The following C14orf39 variants were observed in gnomAD, a reference collection of about 807,000 sequenced individuals.
C14orf39 encodes chromosome 14 open reading frame 39.
C14orf39 carries 66 observed loss-of-function variants against 85.6 expected under a neutral mutation model. The ratio of observed to expected loss-of-function variants is 0.77; its 90% CI spans 0.63 to 0.95. The LOEUF (loss-of-function observed/expected upper bound fraction) is 0.95, where lower values mean the gene tolerates loss of function less well. C14orf39 is among the 40% of genes least tolerant of loss of function. The pLI, the probability that C14orf39 is intolerant of heterozygous loss-of-function variation, is 0.00. For synonymous variants in C14orf39, 242 were observed against 214.0 expected, an observed-to-expected ratio of 1.13 and a Z score of -1.14; for missense variants, 735 against 663.9, an observed-to-expected ratio of 1.11 and a Z score of -1.18.
intron 5 of C14orf39, among the ~76,000 whole-genome samples, chr14:60,477,372 T>C (rs1027846216): frequency 6.6e-6 from 1 of 152,172 alleles, no homozygotes; most frequent in East Asian, 1.9e-4. Flanking sequence ...TTAGTTACAA[T>C]ATAAAAATAG....
chr14:60,476,866 G>GT (rs200993299), intron 5 of C14orf39, among the ~76,000 whole-genome samples: 1 of 144,714 alleles, frequency 6.9e-6, no homozygotes, highest in African/African-American at 2.4e-5. Flanking sequence ...CAATTGACCT[G>GT]TTTTTTTAAA....
At chr14:60,470,904 AC>A (rs1321879329) in intron 7 of C14orf39, among the ~76,000 whole-genome samples, 1 of 151,912 alleles carries the variant, frequency 6.6e-6, no homozygotes, top group Admixed American at 6.6e-5. Flanking sequence ...TGAGACTTAG[AC>A]CAATTAAGAA....
At chr14:60,485,007 C>G (rs1338510319) in intron 2 of C14orf39, 23 bp downstream of exon 2, 1 of 1,591,396 alleles carries the variant, frequency 6.3e-7, no homozygotes, top group Non-Finnish European at 8.5e-7. Context: ...AAAAAGCTAC[C>G]TATTTTTTCA....
chr14:60,442,954 G>A (rs1056776620), intron 16 of C14orf39, among the ~76,000 whole-genome samples: 6 of 152,100 alleles, frequency 3.9e-5, no homozygotes, highest in Admixed American at 6.5e-5. Flanking sequence ...GTCTAGAGAC[G>A]TTAATTAACT....
At chr14:60,492,696 T>C (rs964318551) in intron 2 of C14orf39, among the ~76,000 whole-genome samples, 2 of 152,128 alleles carry the variant, frequency 1.3e-5, no homozygotes, top group Non-Finnish European at 2.9e-5. Flanking sequence ...CGCAGGAGGA[T>C]GGCTTGAACC....
At chr14:60,498,957 T>C (rs1595495236) in intron 2 of C14orf39, among the ~76,000 whole-genome samples, 1 of 152,142 alleles carries the variant, frequency 6.6e-6, no homozygotes, top group African/African-American at 2.4e-5. Context: ...CAAAGAATTT[T>C]CTTAAAAATA....
chr14:60,436,452 T>A lies in C14orf39; in HGVS notation c.*393A>T. 1 of 159,792 alleles carries A rather than the reference T, an allele frequency of 6.3e-6. No individual in the cohort carries two copies. The highest frequency in any genetic ancestry group is 1.4e-5 in the Non-Finnish European group (1 of 73,774). The allele number at this position is 159,792 out of a possible 1,614,324, so 9.9% of individuals were successfully genotyped here. The stretch of plus-strand genomic sequence containing the variant: ...GAAATTTTTAGTAGCTAAAGTACGC[T>A]TCAGCACTAACTCTGGAGTTACTAC... On this transcript the variant is annotated 3_prime_UTR_variant, in exon 18 of 18. Coordinates refer to ENST00000321731, the MANE Select transcript of C14orf39 (RefSeq NM_174978.3).
upstream of C14orf39, among the ~76,000 whole-genome samples, chr14:60,488,524 A>C (rs974041059): frequency 6.6e-6 from 1 of 152,194 alleles, no homozygotes; most frequent in Admixed American, 6.5e-5. Flanking sequence ...AAGTACTCCC[A>C]CAAGATAAAA....
chr14:60,466,889 G>GT lies in C14orf39; in HGVS notation c.895+27dup, dbSNP rs531383439. The GT allele has an allele frequency of 5.1e-4, 733 of 1,446,178 alleles. 2 individuals are homozygous for GT. The highest frequency in any genetic ancestry group is 1.6e-3 in the Admixed American group (58 of 35,638). 89.6% of individuals were successfully genotyped at this position (1,446,178 alleles called of 1,614,324 possible). A position where few individuals can be genotyped will look rare whatever the true frequency, so the allele number is the denominator to read the frequency against. On this transcript the variant is annotated intron_variant, in intron 10 of 17. Coordinates refer to ENST00000321731, the MANE Select transcript of C14orf39 (RefSeq NM_174978.3). ...TCTGTGTGTTTGCAAAAAAAATGAT[G>GT]TTTTTGAATAACAAACAGATATTAT...
chr14:60,483,650 A>G, intron 4 of C14orf39, 41 bp downstream of exon 4: 1 of 1,541,614 alleles, frequency 6.5e-7, no homozygotes, highest in Middle Eastern at 1.8e-4. Context: ...AAAACCCTAA[A>G]TAAAAGAATG....
chr14:60,508,240 T>G (rs713336), intron 1 of C14orf39, among the ~76,000 whole-genome samples: 125,161 of 152,218 alleles, frequency 0.82, 53,088 homozygotes, highest in Non-Finnish European at 0.92. Flanking sequence ...AAAATAAGCC[T>G]ACAAGGAAAG....
chr14:60,484,441 A>G lies in C14orf39; in HGVS notation c.106+440T>C, dbSNP rs1892789413. Reference sequence around the variant, plus strand: ...TTTGTTGGATCTTAAAATACTATACAGTATTTGTGTGATTTGCCTTGCTAT... The same window carrying G: ...TTTGTTGGATCTTAAAATACTATACGGTATTTGTGTGATTTGCCTTGCTAT... On this transcript the variant is annotated intron_variant, in intron 3 of 17. Coordinates refer to ENST00000321731, the MANE Select transcript of C14orf39 (RefSeq NM_174978.3). This position sits in a 1 kb window ranked among gnomAD's most constrained non-coding sequence, Gnocchi z 4.2. Among the ~76,000 whole-genome samples the G allele has an allele frequency of 6.6e-6, 1 of 152,174 alleles. No homozygotes were observed. The highest frequency in any genetic ancestry group is 6.5e-5 in the Admixed American group (1 of 15,274).
intron 16 of C14orf39, among the ~76,000 whole-genome samples, chr14:60,451,574 A>C (rs1158221953): frequency 6.6e-6 from 1 of 151,974 alleles, no homozygotes; most frequent in African/African-American, 2.4e-5. Flanking sequence ...ATTCTGAGCA[A>C]ACTATCACAA....
At chr14:60,482,839 G>A (rs968835101) in intron 4 of C14orf39, among the ~76,000 whole-genome samples, 1 of 151,416 alleles carries the variant, frequency 6.6e-6, no homozygotes, top group Non-Finnish European at 1.5e-5. Context: ...AGAATGAAGT[G>A]AGTCCATTTT....
chr14:60,466,162 A>C, intron 10 of C14orf39, 107 bp from the exon 11 acceptor site: 1 of 457,826 alleles, frequency 2.2e-6, no homozygotes, highest in African/African-American at 2.0e-5. Flanking sequence ...GTCTACATGA[A>C]TTTTTAATTT....
chr14:60,487,999 T>C (rs1229966311), upstream of C14orf39, among the ~76,000 whole-genome samples: 3 of 152,210 alleles, frequency 2.0e-5, no homozygotes, highest in Non-Finnish European at 4.4e-5. Flanking sequence ...CTTATTTAGA[T>C]ATTAACCCAA....
At chr14:60,478,763 T>C (rs542182304) in intron 4 of C14orf39, among the ~76,000 whole-genome samples, 12 of 152,284 alleles carry the variant, frequency 7.9e-5, no homozygotes, top group African/African-American at 2.6e-4. Context: ...AAAATTCTTT[T>C]GGAGTAAGCA....
chr14:60,484,815 A>C lies in C14orf39; in HGVS notation c.106+66T>G. ...AACAATAAGTTGCCCTAAACAGAGCAATTGTATGTTATATGCCATAAGGAA... is the reference window on the plus strand; with the variant it reads ...AACAATAAGTTGCCCTAAACAGAGCCATTGTATGTTATATGCCATAAGGAA... On this transcript the variant is annotated intron_variant, in intron 3 of 17. Transcript: ENST00000321731. This position sits in a 1 kb window ranked among gnomAD's most constrained non-coding sequence, Gnocchi z 4.2. 1 of 1,154,930 alleles carries C rather than the reference A, an allele frequency of 8.7e-7. No homozygotes were observed. The highest frequency in any genetic ancestry group is 1.3e-5 in the South Asian group (1 of 74,080). 71.5% of individuals were successfully genotyped at this position (1,154,930 alleles called of 1,614,324 possible).
At chr14:60,470,767 G>A (rs1892037172) in intron 7 of C14orf39, among the ~76,000 whole-genome samples, 1 of 151,884 alleles carries the variant, frequency 6.6e-6, no homozygotes, top group African/African-American at 2.4e-5. Context: ...AGGATGTGGG[G>A]ATAAAGAAGA....
Sources: allele counts gnomAD v4.1 joint callset (sites outside exome capture counted in the v4.1 genomes callset), GRCh38; gene constraint gnomAD v4.1.1; non-coding constraint Gnocchi (gnomAD v3.1); transcripts MANE v1.5; gene names NCBI Gene and HGNC (gene_info 2026-07-23, HGNC 2026-07-21).